BCAR3: variants seen among roughly 807,000 people sequenced by gnomAD.
BCAR3 encodes the protein BCAR3 adaptor protein, NSP family member.
Under a neutral mutation model 80.1 loss-of-function variants are expected in BCAR3, and 37 were observed. The ratio of observed to expected loss-of-function variants is 0.46; its 90% CI spans 0.36 to 0.61. The LOEUF (loss-of-function observed/expected upper bound fraction) is 0.61, where lower values mean the gene tolerates loss of function less well. Among genes scored for constraint, BCAR3 ranks in the 20% least tolerant of loss-of-function variants. BCAR3 has a pLI of 0.00. For missense variants in BCAR3, 978 were observed against 1,068.2 expected (o/e 0.92, Z 1.18); for synonymous variants, 389 against 418.9 (o/e 0.93, Z 0.87).
In BCAR3 at chr1:93,592,195, CT is replaced by C. The variant is rs1172541288; in HGVS notation, c.486+69del. On this transcript the variant is annotated intron_variant, in intron 4 of 11. Transcript: ENST00000260502. This position sits in a 1 kb window ranked among gnomAD's most constrained non-coding sequence, Gnocchi z 4.8. ...GCCCATGTGGCCTCGGAGTGGGACC[CT>C]GCGGGTCATCAATCTGTACATTGCC... The C allele has an allele frequency of 1.0e-5, 16 of 1,598,046 alleles. No individual in the cohort carries two copies.
intron 2 of BCAR3, among the ~76,000 whole-genome samples, chr1:93,815,977 G>A (rs536043061): frequency 1.3e-5 from 2 of 152,266 alleles, no homozygotes; most frequent in Admixed American, 6.5e-5. Context: ...AAAGGATGCT[G>A]GGGAAGAATG....
chr1:93,668,588 A>G (rs1218654949), intron 2 of BCAR3, among the ~76,000 whole-genome samples: 1 of 152,212 alleles, frequency 6.6e-6, no homozygotes, highest in Non-Finnish European at 1.5e-5. Flanking sequence ...AAAAACATCA[A>G]TTCAACCCAT....
chr1:93,752,377 T>A (rs1651588602), intron 2 of BCAR3, among the ~76,000 whole-genome samples: 1 of 152,206 alleles, frequency 6.6e-6, no homozygotes, highest in Admixed American at 6.5e-5. Flanking sequence ...CCAATTCAAG[T>A]CAGCAATGAG....
chr1:93,629,987 C>G (rs1349864476), intron 3 of BCAR3, among the ~76,000 whole-genome samples: 2 of 152,216 alleles, frequency 1.3e-5, no homozygotes, highest in Non-Finnish European at 2.9e-5. Context: ...GAGACATCAG[C>G]ATTACCTGCT....
chr1:93,641,690 T>C (rs1675981776), intron 3 of BCAR3, among the ~76,000 whole-genome samples: 1 of 152,286 alleles, frequency 6.6e-6, no homozygotes, highest in East Asian at 1.9e-4. Context: ...CTAATATTAC[T>C]ACTTGGCCCC....
intron 3 of BCAR3, among the ~76,000 whole-genome samples, chr1:93,604,281 CA>C (rs1279210829): frequency 6.6e-6 from 1 of 152,200 alleles, no homozygotes; most frequent in East Asian, 1.9e-4. Flanking sequence ...AAAATACCAT[CA>C]AAACCCCTAG....
intron 2 of BCAR3, among the ~76,000 whole-genome samples, chr1:93,650,903 T>C (rs236296): frequency 1.6e-4 from 25 of 152,166 alleles, no homozygotes; most frequent in Admixed American, 1.6e-3. Flanking sequence ...ACAGTTATCA[T>C]AGATGCCAGT....
chr1:93,818,113 T>C (rs1235575381), intron 2 of BCAR3, among the ~76,000 whole-genome samples: 1 of 152,258 alleles, frequency 6.6e-6, no homozygotes, highest in African/African-American at 2.4e-5. Context: ...TTATTTTTCA[T>C]GTGCTAGTGC....
At chr1:93,745,202 C>T (rs12410084) in intron 2 of BCAR3, among the ~76,000 whole-genome samples, 17,868 of 152,266 alleles carry the variant, frequency 0.12, 1,474 homozygotes, top group African/African-American at 0.22. Context: ...CTGGTTTGGC[C>T]ATGTGACTGG....
At chr1:93,673,514 G>A (rs1490583168) in intron 2 of BCAR3, among the ~76,000 whole-genome samples, 4 of 152,266 alleles carry the variant, frequency 2.6e-5, no homozygotes, top group East Asian at 3.9e-4. Flanking sequence ...GTGGCTTTGC[G>A]ACAAGCTTGG....
intron 2 of BCAR3, among the ~76,000 whole-genome samples, chr1:93,825,431 G>C (rs1024911863): frequency 7.5e-6 from 1 of 133,798 alleles, no homozygotes; most frequent in African/African-American, 2.5e-5. Flanking sequence ...TTGCAGGCTT[G>C]AGCTCCTCCC....
chr1:93,739,662 G>A (rs1167383140), intron 2 of BCAR3, among the ~76,000 whole-genome samples: 2 of 152,092 alleles, frequency 1.3e-5, no homozygotes, highest in African/African-American at 2.4e-5. Context: ...TGTTCATTGT[G>A]CACTGAGCCC....
At chr1:93,726,317 C>T (rs542147884) in intron 2 of BCAR3, among the ~76,000 whole-genome samples, 9 of 152,252 alleles carry the variant, frequency 5.9e-5, no homozygotes, top group African/African-American at 1.9e-4. Flanking sequence ...AAGCAATCCT[C>T]CCACCTTGGC....
At chr1:93,613,749 CAA>C in intron 3 of BCAR3, 1 of 1,404,996 alleles carries the variant, frequency 7.1e-7, no homozygotes, top group Non-Finnish European at 9.6e-7. Flanking sequence ...TCACAATCAG[CAA>C]GCTGCAAACT....
intron 2 of BCAR3, among the ~76,000 whole-genome samples, chr1:93,820,206 A>G (rs1654165277): frequency 3.3e-5 from 5 of 152,234 alleles, no homozygotes; most frequent in Admixed American, 6.5e-5. Flanking sequence ...GATGCTCTTA[A>G]TACTTCTGAC....
At chr1:93,567,905 G>T in intron 9 of BCAR3, 54 bp from the exon 10 acceptor site, 2 of 1,466,140 alleles carry the variant, frequency 1.4e-6, no homozygotes, top group Non-Finnish European at 1.9e-6. Flanking sequence ...ACCTTTTAGT[G>T]GCTGGGCGTG....
At chr1:93,636,436 C>T (rs759874144) in intron 3 of BCAR3, among the ~76,000 whole-genome samples, 24 of 152,250 alleles carry the variant, frequency 1.6e-4, no homozygotes, top group Non-Finnish European at 3.2e-4. Flanking sequence ...GGTTGCATTC[C>T]GTCCTGACAC....
At chr1:93,576,609 C>G (rs1372910819) in intron 7 of BCAR3, among the ~76,000 whole-genome samples, 1 of 152,214 alleles carries the variant, frequency 6.6e-6, no homozygotes, top group Non-Finnish European at 1.5e-5. Context: ...GCTGCTATTA[C>G]CCTTAATTAC....
At chr1:93,589,836 G>A (rs951863398) in intron 4 of BCAR3, among the ~76,000 whole-genome samples, 2 of 152,212 alleles carry the variant, frequency 1.3e-5, no homozygotes, top group Admixed American at 1.3e-4. Context: ...GTAAAATAGG[G>A]TGGTTGGGGA....
Sources: allele counts gnomAD v4.1 joint callset (sites outside exome capture counted in the v4.1 genomes callset), GRCh38; gene constraint gnomAD v4.1.1; non-coding constraint Gnocchi (gnomAD v3.1); transcripts MANE v1.5; gene names NCBI Gene and HGNC (gene_info 2026-07-23, HGNC 2026-07-21).